UAP1: variants seen among roughly 807,000 people sequenced by gnomAD.
The protein encoded by UAP1 is UDP-N-acetylglucosamine pyrophosphorylase 1.
A neutral mutation model predicts 58.5 loss-of-function variants in UAP1; 25 were observed. The observed-to-expected ratio is 0.43, with a 90% CI of 0.31 to 0.60. The LOEUF (loss-of-function observed/expected upper bound fraction) is 0.60. UAP1 is among the 20% of genes least tolerant of loss of function. The pLI is 0.11. For missense variants in UAP1, 575 were observed against 630.0 expected (o/e 0.91, Z 0.93); for synonymous variants, 208 against 213.0 (o/e 0.98, Z 0.21).
intron 9 of UAP1, 25 bp downstream of exon 9, chr1:162,592,807 T>C: frequency 6.5e-7 from 1 of 1,538,192 alleles, no homozygotes; most frequent in Non-Finnish European, 8.8e-7. Context: ...CTGCCTACAG[T>C]GCATGGTGAT....
At chr1:162,589,384 C>G (rs966896061) in intron 7 of UAP1, among the ~76,000 whole-genome samples, 19 of 146,782 alleles carry the variant, frequency 1.3e-4, no homozygotes, top group Admixed American at 1.2e-3. Flanking sequence ...AACTTGTGGC[C>G]TCAAGCGATC....
intron 2 of UAP1, among the ~76,000 whole-genome samples, chr1:162,573,651 T>G (rs890923165): frequency 6.6e-6 from 1 of 152,056 alleles, no homozygotes; most frequent in Non-Finnish European, 1.5e-5. Context: ...AATGTGCTGT[T>G]GGGTTTTTAA....
intron 3 of UAP1, 77 bp downstream of exon 3, chr1:162,577,058 G>A (rs1654233821): frequency 7.4e-7 from 1 of 1,349,864 alleles, no homozygotes. Flanking sequence ...TATACTTTAT[G>A]CACTCACAGA....
intron 3 of UAP1, among the ~76,000 whole-genome samples, chr1:162,577,602 C>T (rs1424568831): frequency 6.6e-6 from 1 of 151,516 alleles, no homozygotes; most frequent in African/African-American, 2.4e-5. Context: ...GCACCTGCCA[C>T]CATGCCTGGC....
intron 9 of UAP1, among the ~76,000 whole-genome samples, chr1:162,595,732 T>C (rs1490044680): frequency 6.6e-6 from 1 of 152,224 alleles, no homozygotes; most frequent in Non-Finnish European, 1.5e-5. Context: ...TGCACATACA[T>C]AAAAGTTAAG....
chr1:162,590,366 C>T, exon 8 of UAP1: 1 of 1,612,918 alleles, frequency 6.2e-7, no homozygotes, highest in Non-Finnish European at 8.5e-7. Context: ...TGAGTTTTCC[C>T]CACTAAAGAA....
At chr1:162,583,033 A>G (rs1041778489) in intron 5 of UAP1, among the ~76,000 whole-genome samples, 48 of 151,122 alleles carry the variant, frequency 3.2e-4, no homozygotes, top group Non-Finnish European at 4.9e-4. Context: ...GCTGGTGTGC[A>G]GTGGCAGGAT....
At chr1:162,597,815 C>G in exon 10 of UAP1, 1 of 1,613,048 alleles carries the variant, frequency 6.2e-7, no homozygotes, top group Non-Finnish European at 8.5e-7. Context: ...AATGATGTAC[C>G]AATCCAATGT....
exon 2 of UAP1, chr1:162,566,193 T>C: frequency 6.2e-7 from 1 of 1,614,084 alleles, no homozygotes; most frequent in Non-Finnish European, 8.5e-7. Flanking sequence ...GCCATGAACT[T>C]TGAGGAGCTG....
At chr1:162,579,339 A>G (rs781562745) in intron 3 of UAP1, 89 bp from the exon 4 acceptor site, 6 of 980,798 alleles carry the variant, frequency 6.1e-6, no homozygotes, top group Non-Finnish European at 7.0e-6. Context: ...GCTTTCAAAG[A>G]TATCTTTAGC....
chr1:162,590,220 TA>T, intron 7 of UAP1, 102 bp from the exon 8 acceptor site: 1 of 850,988 alleles, frequency 1.2e-6, no homozygotes, highest in Non-Finnish European at 1.8e-6. Flanking sequence ...CAGATTGGAA[TA>T]GGAAAGCCTA....
chr1:162,600,385 G>A (rs1418010649), downstream of UAP1, among the ~76,000 whole-genome samples: 2 of 152,002 alleles, frequency 1.3e-5, no homozygotes, highest in African/African-American at 4.8e-5. Context: ...GACAAAGGTG[G>A]TTCTTTAAAT....
chr1:162,572,141 C>T (rs1653901920), intron 2 of UAP1, among the ~76,000 whole-genome samples: 2 of 152,148 alleles, frequency 1.3e-5, no homozygotes, highest in African/African-American at 4.8e-5. Flanking sequence ...CATCTCAGTG[C>T]CACTGTTAAT....
intron 9 of UAP1, among the ~76,000 whole-genome samples, chr1:162,595,327 GT>G (rs1484370394): frequency 6.6e-6 from 1 of 152,198 alleles, no homozygotes; most frequent in Non-Finnish European, 1.5e-5. Context: ...ACCACCTTCT[GT>G]TCCTGCTACA....
chr1:162,597,981 T>C (rs984824023), intron 10 of UAP1, 123 bp downstream of exon 10: 17 of 820,482 alleles, frequency 2.1e-5, no homozygotes, highest in South Asian at 7.0e-5. Flanking sequence ...GTGATAGATA[T>C]GTTAATTGGC....
At position 162,577,189 on chromosome 1, in the gene UAP1, G is replaced by A. The variant is rs533995048; in HGVS notation, c.485+208G>A. On this transcript the variant is annotated intron_variant, in intron 3 of 10. Transcript: ENST00000271469. The stretch of plus-strand genomic sequence containing the variant: ...ACTTAATAAGCAATATATACTCACC[G>A]CCAACTTTTACATTCCTGACTGAGT... 8.0e-4 allele frequency among the ~76,000 whole-genome samples: 122 copies of A among 151,896 alleles called. 1 individual carries two copies. Among genetic ancestry groups the A allele is most frequent in the African/African-American group, 2.8e-3 (118 of 41,428 alleles).
chr1:162,587,363 C>A, intron 5 of UAP1, 112 bp from the exon 6 acceptor site: 2 of 961,740 alleles, frequency 2.1e-6, no homozygotes, highest in Non-Finnish European at 1.6e-6. Context: ...TTCTTCTTGG[C>A]TTTATACCTT....
chr1:162,564,862 G>C (rs1346597593), intron 1 of UAP1, among the ~76,000 whole-genome samples: 2 of 152,038 alleles, frequency 1.3e-5, no homozygotes, highest in African/African-American at 4.8e-5. Context: ...ATGGCCACCA[G>C]GCTCTGCTTG....
intron 2 of UAP1, among the ~76,000 whole-genome samples, chr1:162,573,029 T>G (rs1653963126): frequency 6.6e-6 from 1 of 152,240 alleles, no homozygotes; most frequent in Admixed American, 6.5e-5. Flanking sequence ...AACCATAGTT[T>G]ATTTGATATA....
Sources: gnomAD v4.1 joint callset for allele counts (sites outside exome capture counted in the v4.1 genomes callset) on GRCh38, gnomAD v4.1.1 for gene constraint, MANE v1.5 for transcripts, NCBI Gene and HGNC (gene_info 2026-07-23, HGNC 2026-07-21) for gene names.